PTPRN2: variants seen among roughly 807,000 people sequenced by gnomAD.
PTPRN2 encodes protein tyrosine phosphatase receptor type N2.
PTPRN2 carries 74 observed loss-of-function variants against 118.8 expected under a neutral mutation model. The observed-to-expected ratio is 0.62, with a 90% CI of 0.52 to 0.76. PTPRN2 has a LOEUF of 0.76. Among genes scored for constraint, PTPRN2 ranks in the 30% least tolerant of loss-of-function variants. The probability of loss-of-function intolerance (pLI) is 0.00; values close to 1 mark genes in which losing one functional copy is unlikely to be tolerated. For synonymous variants in PTPRN2, 641 were observed against 608.0 expected (o/e 1.05, Z -0.80); for missense variants, 1,481 against 1,394.4 (o/e 1.06, Z -0.99).
chr7:158,061,190 A>C (rs1157430719), intron 11 of PTPRN2, among the ~76,000 whole-genome samples: 2 of 152,242 alleles, frequency 1.3e-5, no homozygotes, highest in African/African-American at 2.4e-5. Flanking sequence ...GTTGTGATGC[A>C]TCGCAAATTA....
intron 2 of PTPRN2, among the ~76,000 whole-genome samples, chr7:158,450,856 T>C (rs1227751565): frequency 3.3e-5 from 5 of 152,206 alleles, no homozygotes; most frequent in African/African-American, 4.8e-5. Flanking sequence ...TTCTGCTGCG[T>C]GGAGGGCAAG....
Position 157,725,250 on chromosome 7 carries a change from G to C in PTPRN2, c.1789-42313C>G, listed in dbSNP as rs1352670972. ...TCCCAGGAGAACTGGATATCCACAT[G>C]CAGAGGAGTGAGCCAGACCCTGGCC... On this transcript the variant is annotated intron_variant, in intron 12 of 22. Transcript: ENST00000389418. Among the ~76,000 whole-genome samples the C allele has an allele frequency of 7.9e-4, 103 of 129,902 alleles. 1 individual carries two copies. The highest frequency in any genetic ancestry group is 1.1e-3 in the Non-Finnish European group (69 of 64,784). 85.2% of individuals were successfully genotyped at this position (129,902 alleles called of 152,430 possible).
At chr7:157,628,978 C>T (rs117044772) in intron 14 of PTPRN2, among the ~76,000 whole-genome samples, 1 of 152,136 alleles carries the variant, frequency 6.6e-6, no homozygotes, top group African/African-American at 2.4e-5. Context: ...TGACACTAAA[C>T]TGCTAGTTAA....
intron 2 of PTPRN2, among the ~76,000 whole-genome samples, chr7:158,451,076 G>A (rs1447087344): frequency 4.6e-5 from 7 of 152,288 alleles, no homozygotes; most frequent in African/African-American, 7.2e-5. Flanking sequence ...TACGGCTTCC[G>A]TCTTCATCAC....
intron 16 of PTPRN2, among the ~76,000 whole-genome samples, chr7:157,595,579 GTTAGGAAGCCTGGTGT>G (rs1348940181): frequency 1.7e-5 from 2 of 114,818 alleles, no homozygotes; most frequent in Non-Finnish European, 3.6e-5. Context: ...AAGCCAGGAG[GTTAGGAAGCCTGGTGT>G]TTAGGAAGCC....
intron 11 of PTPRN2, among the ~76,000 whole-genome samples, chr7:157,957,466 A>G: frequency 6.6e-6 from 1 of 152,182 alleles, no homozygotes. Flanking sequence ...TAAGAAAAAC[A>G]CTGATGGTAC....
In PTPRN2 at chr7:158,136,812, G is replaced by A. The variant is rs112509265; in HGVS notation, c.1133-117C>T. On this transcript the variant is annotated intron_variant, in intron 7 of 22. Coordinates refer to ENST00000389418, the MANE Select transcript of PTPRN2 (RefSeq NM_002847.5). ...CATACGAAAGGTGAGGTGTGATGAC[G>A]CTGGCCTAAGTCCTGCCATAGAGTA... 2.4e-3 allele frequency: 2,191 copies of A among 927,168 alleles called. 34 individuals carry two copies. In the African/African-American group the frequency reaches 0.031, roughly 13 times the overall value. The allele number at this position is 927,168 out of a possible 1,614,324, so 57.4% of individuals were successfully genotyped here. A position where few individuals can be genotyped will look rare whatever the true frequency, so the allele number is the denominator to read the frequency against.
At chr7:157,821,988 TCATC>T (rs1806870122) in intron 12 of PTPRN2, among the ~76,000 whole-genome samples, 1 of 151,178 alleles carries the variant, frequency 6.6e-6, no homozygotes, top group Admixed American at 6.6e-5. Context: ...ACACTATCCA[TCATC>T]CATCCATCTA....
At chr7:157,839,047 C>T (rs1199306510) in intron 12 of PTPRN2, among the ~76,000 whole-genome samples, 5 of 152,156 alleles carry the variant, frequency 3.3e-5, no homozygotes, top group Non-Finnish European at 7.3e-5. Context: ...GAGAAAGCTC[C>T]TCTCCGCCGT....
intron 12 of PTPRN2, among the ~76,000 whole-genome samples, chr7:157,758,479 C>T (rs1488403734): frequency 2.6e-5 from 4 of 152,222 alleles, no homozygotes; most frequent in South Asian, 2.1e-4. Context: ...CCGTGGCCCC[C>T]GTGCAGCTCT....
At chr7:158,341,352 GAGGTAAC>G (rs1806731940) in intron 2 of PTPRN2, among the ~76,000 whole-genome samples, 1 of 146,138 alleles carries the variant, frequency 6.8e-6, no homozygotes, top group African/African-American at 2.6e-5. Flanking sequence ...CTCACCATAA[GAGGTAAC>G]ACATGCAGAC....
At chr7:158,230,671 T>C (rs1372395299) in intron 3 of PTPRN2, among the ~76,000 whole-genome samples, 1 of 151,478 alleles carries the variant, frequency 6.6e-6, no homozygotes, top group Non-Finnish European at 1.5e-5. Context: ...CTGTAACACA[T>C]GCACTAAAAA....
chr7:157,921,157 G>A (rs1322866780), intron 11 of PTPRN2, among the ~76,000 whole-genome samples: 1 of 152,188 alleles, frequency 6.6e-6, no homozygotes, highest in Admixed American at 6.5e-5. Flanking sequence ...AACGGAATGA[G>A]CCGTCAAACC....
intron 6 of PTPRN2, among the ~76,000 whole-genome samples, chr7:158,145,709 C>T (rs1484070027): frequency 2.6e-5 from 4 of 152,210 alleles, no homozygotes; most frequent in Admixed American, 6.5e-5. Context: ...CCTGATTATT[C>T]TAGAATCTGT....
chr7:157,691,353 C>T (rs1034434848), intron 12 of PTPRN2, among the ~76,000 whole-genome samples: 3 of 152,010 alleles, frequency 2.0e-5, no homozygotes, highest in African/African-American at 7.3e-5. Context: ...TGGGGTGCGT[C>T]GCCACTCTTG....
chr7:158,001,305 G>T (rs2128859334), intron 11 of PTPRN2, among the ~76,000 whole-genome samples: 1 of 151,048 alleles, frequency 6.6e-6, no homozygotes, highest in South Asian at 2.1e-4. Context: ...TCTCCCACAG[G>T]CCTGCTCTTG....
chr7:158,413,004 A>T (rs1197172765), intron 2 of PTPRN2, among the ~76,000 whole-genome samples: 4 of 129,510 alleles, frequency 3.1e-5, no homozygotes, highest in Admixed American at 7.8e-5. Flanking sequence ...CCTCCTCAGC[A>T]CCAGGGCCCA....
Position 157,811,782 on chromosome 7 carries a change from G to A in PTPRN2, c.1788+86891C>T, listed in dbSNP as rs560116202. On this transcript the variant is annotated intron_variant, in intron 12 of 22. Transcript: ENST00000389418. Reference sequence around the variant, plus strand: ...CCTCATCTGACGAGGTCCAAACAGCGGGTCCAATTCTACCCACACCTCTTT... The same window carrying A: ...CCTCATCTGACGAGGTCCAAACAGCAGGTCCAATTCTACCCACACCTCTTT... Among the ~76,000 whole-genome samples, 60 of 152,190 alleles carry A rather than the reference G, an allele frequency of 3.9e-4. 2 individuals are homozygous for A. The South Asian group carries it at 7.7e-3, about 19-fold the overall frequency.
At chr7:157,574,302 A>T (rs1298676525) in intron 19 of PTPRN2, 1 of 494,052 alleles carries the variant, frequency 2.0e-6, no homozygotes, top group South Asian at 1.5e-5. Context: ...GAGGCTCAGA[A>T]AAGGGGCTTT....
Sources: gnomAD v4.1 joint callset for allele counts (sites outside exome capture counted in the v4.1 genomes callset) on GRCh38, gnomAD v4.1.1 for gene constraint, MANE v1.5 for transcripts, NCBI Gene and HGNC (gene_info 2026-07-23, HGNC 2026-07-21) for gene names.